Variants in INSR observed in about 807,000 individuals in gnomAD.
The protein encoded by INSR is insulin receptor, also known as IR.
INSR carries 67 observed loss-of-function variants against 142.6 expected under a neutral mutation model. The ratio of observed to expected loss-of-function variants is 0.47; its 90% CI spans 0.39 to 0.58. The LOEUF (loss-of-function observed/expected upper bound fraction) is 0.58. Among genes scored for constraint, INSR ranks in the 20% least tolerant of loss-of-function variants. The pLI is 0.00. For missense variants in INSR, 1,248 were observed against 1,833.2 expected, an observed-to-expected ratio of 0.68 and a Z score of 5.83; for synonymous variants, 756 against 743.1, an observed-to-expected ratio of 1.02 and a Z score of -0.28.
chr19:7,115,137 C>G lies in INSR; in HGVS notation c.*1919G>C, dbSNP rs534289709. 50 of 152,314 alleles carry G rather than the reference C, an allele frequency of 3.3e-4. No individual in the cohort carries two copies. Among genetic ancestry groups the G allele is most frequent in the Non-Finnish European group, 5.6e-4 (38 of 68,026 alleles). The allele number at this position is 152,314 out of a possible 1,614,324, so 9.4% of individuals were successfully genotyped here. A position where few individuals can be genotyped will look rare whatever the true frequency, so the allele number is the denominator to read the frequency against. On this transcript the variant is annotated 3_prime_UTR_variant, in exon 22 of 22. Coordinates refer to ENST00000302850, the MANE Select transcript of INSR (RefSeq NM_000208.4). ...GAGGGCTTGGAGGTTGCCATTATGA[C>G]TCTATCCCATTCTTAAGCCCACAAC...
chr19:7,162,537 G>A lies in INSR; in HGVS notation c.2029+495C>T, dbSNP rs377695723. Among the ~76,000 whole-genome samples the A allele has an allele frequency of 5.4e-5, 8 of 146,820 alleles. No individual in the cohort carries two copies. The East Asian group carries it at 8.3e-4, about 15-fold the overall frequency. ...AAAAAAAAAAAAAAATAGGCCGGGTGTGGTGGCTCATGCCTGTAATCCCAG... is the reference window on the plus strand; with the variant it reads ...AAAAAAAAAAAAAAATAGGCCGGGTATGGTGGCTCATGCCTGTAATCCCAG... On this transcript the variant is annotated intron_variant, in intron 9 of 21. Transcript: ENST00000302850.
chr19:7,196,226 C>T (rs1204255302), intron 2 of INSR, among the ~76,000 whole-genome samples: 7 of 152,176 alleles, frequency 4.6e-5, no homozygotes, highest in African/African-American at 1.7e-4. Flanking sequence ...TGAGCCACCA[C>T]GCCTGGCCTC....
intron 1 of INSR, among the ~76,000 whole-genome samples, chr19:7,282,989 A>C (rs1968250166): frequency 6.6e-6 from 1 of 150,428 alleles, no homozygotes; most frequent in Admixed American, 6.6e-5. Context: ...AGTAATAATA[A>C]TAATAATAAT....
At chr19:7,268,069 A>T (rs566813210) in intron 1 of INSR, among the ~76,000 whole-genome samples, 173 bp from the exon 2 acceptor site, 74 of 152,240 alleles carry the variant, frequency 4.9e-4, no homozygotes, top group African/African-American at 1.4e-3. Flanking sequence ...TCTGTAAAGT[A>T]CCCATGCCTA....
At chr19:7,288,146 C>T (rs560690455) in intron 1 of INSR, among the ~76,000 whole-genome samples, 1 of 151,374 alleles carries the variant, frequency 6.6e-6, no homozygotes, top group South Asian at 2.1e-4. Flanking sequence ...ACTGCTTGAA[C>T]TAGGAGTTCA....
chr19:7,216,000 T>C lies in INSR; in HGVS notation c.653-31363A>G, dbSNP rs16994352. On this transcript the variant is annotated intron_variant, in intron 2 of 21. Coordinates refer to ENST00000302850, the MANE Select transcript of INSR (RefSeq NM_000208.4). ...GAATTGAAACAGGTTCCTAATCTCA[T>C]GGTCTCACCTGAGGGAAAAGTGGCT... is the stretch of plus-strand genomic sequence containing the variant. Among the ~76,000 whole-genome samples the C allele has an allele frequency of 0.024, 3,590 of 152,070 alleles. 306 individuals carry two copies. The East Asian group carries it at 0.26, about 11-fold the overall frequency.
chr19:7,170,721 C>T lies in INSR; in HGVS notation c.1299G>A (p.Gln433=). The stretch of plus-strand genomic sequence containing the variant: ...TCCAGTCCCAGAGCTGCCTTAGGTT[C>T]TGGTTGTCCAAGGCATAGAAGGAGT... ...GNYSFYALDN[Q]NLRQLWDWSK... is the part of the protein sequence containing the mutation. The change falls in exon 6 of 22, where the codon CAG becomes CAA. Residue 433 remains glutamine (Q), a synonymous_variant. Coordinates refer to ENST00000302850, the MANE Select transcript of INSR (RefSeq NM_000208.4). 6.2e-7 allele frequency: 1 copy of T among 1,614,006 alleles called. No homozygotes were observed.
intron 1 of INSR, among the ~76,000 whole-genome samples, chr19:7,291,750 A>T (rs2145259507): frequency 6.6e-6 from 1 of 152,258 alleles, no homozygotes; most frequent in East Asian, 1.9e-4. Context: ...AACCACACAC[A>T]CGCACACATA....
intron 2 of INSR, among the ~76,000 whole-genome samples, chr19:7,228,184 A>G (rs57177807): frequency 0.16 from 24,497 of 152,156 alleles, 2,058 homozygotes; most frequent in South Asian, 0.28. Context: ...AGTCCAGCAG[A>G]CTTTCCATGA....
At chr19:7,169,910 T>C (rs1973975441) in intron 6 of INSR, among the ~76,000 whole-genome samples, 1 of 151,982 alleles carries the variant, frequency 6.6e-6, no homozygotes, top group Non-Finnish European at 1.5e-5. Flanking sequence ...TATCACACAG[T>C]GAGTTGTTAG....
In INSR at chr19:7,150,609, G is replaced by T; in HGVS notation, c.2232-77C>A. 1 of 1,408,374 alleles carries T rather than the reference G, an allele frequency of 7.1e-7. No homozygotes were observed. 87.2% of individuals were successfully genotyped at this position (1,408,374 alleles called of 1,614,324 possible). A position where few individuals can be genotyped will look rare whatever the true frequency, so the allele number is the denominator to read the frequency against. ...GACCACTGGGCTCTGACACTTGGAG[G>T]CCACATGTGTCCGAGTAAGGGCACC... On this transcript the variant is annotated intron_variant, in intron 10 of 21. Coordinates refer to ENST00000302850, the MANE Select transcript of INSR (RefSeq NM_000208.4). This position sits in a 1 kb window ranked among gnomAD's most constrained non-coding sequence, Gnocchi z 4.2.
intron 2 of INSR, among the ~76,000 whole-genome samples, chr19:7,195,783 G>A (rs1974727797): frequency 1.3e-5 from 2 of 151,416 alleles, no homozygotes; most frequent in East Asian, 3.8e-4. Flanking sequence ...CCTTCGCCTA[G>A]GAAAAAAAAT....
At chr19:7,228,611 GTCA>G (rs1975857869) in intron 2 of INSR, among the ~76,000 whole-genome samples, 1 of 152,308 alleles carries the variant, frequency 6.6e-6, no homozygotes, top group South Asian at 2.1e-4. Flanking sequence ...AAGGCAAGAA[GTCA>G]TCATTATCTG....
chr19:7,259,034 CTCCT>C (rs1976978062), intron 2 of INSR, among the ~76,000 whole-genome samples: 2 of 133,142 alleles, frequency 1.5e-5, no homozygotes, highest in African/African-American at 5.6e-5. Flanking sequence ...CTTTCCTTCC[CTCCT>C]TCCTTCCTTT....
chr19:7,184,268 C>T (rs545259814), intron 3 of INSR, 48 bp downstream of exon 3: 23 of 1,551,210 alleles, frequency 1.5e-5, no homozygotes, highest in South Asian at 9.0e-5. Context: ...ACCAACCCCA[C>T]GTTCCTTCTC....
rs761175486 is a variant in INSR at position 7,150,478 on chromosome 19, T to A, written c.2267+19A>T. Reference sequence around the variant, plus strand: ...CCCTGCGCGGAGCAGGCACCAGGGGTCGCACAGGTGAGTCATACCTAGGGT... The same window carrying A: ...CCCTGCGCGGAGCAGGCACCAGGGGACGCACAGGTGAGTCATACCTAGGGT... On this transcript the variant is annotated intron_variant, in intron 11 of 21. Transcript: ENST00000302850. This position sits in a 1 kb window ranked among gnomAD's most constrained non-coding sequence, Gnocchi z 4.2. The A allele has an allele frequency of 4.3e-6, 7 of 1,613,046 alleles. No individual in the cohort carries two copies. Among genetic ancestry groups the A allele is most frequent in the Non-Finnish European group, 5.1e-6 (6 of 1,179,164 alleles).
Position 7,184,622 on chromosome 19 carries a change from C to T in INSR, c.668G>A (p.Cys223Tyr). 6.2e-7 allele frequency: 1 copy of T among 1,608,264 alleles called. No individual in the cohort carries two copies. The highest frequency in any genetic ancestry group is 8.5e-7 in the Non-Finnish European group (1 of 1,179,152). The change falls in exon 3 of 22, where the codon TGT becomes TAT. Residue 223 changes from cysteine (C) to tyrosine (Y), a missense_variant. Coordinates refer to ENST00000302850, the MANE Select transcript of INSR (RefSeq NM_000208.4). Reference sequence around the variant, plus strand: ...TTCGGCGGTGCAGCCGTGTGACTTACAGATGGTCGGGCAAACTGGAGAGAG... The same window carrying T: ...TTCGGCGGTGCAGCCGTGTGACTTATAGATGGTCGGGCAAACTGGAGAGAG... ...SHCQKVCPTI[C>Y]KSHGCTAEGL... is the part of the protein sequence containing the mutation.
At position 7,128,892 on chromosome 19, in the gene INSR, T is replaced by C; in HGVS notation, c.2905A>G (p.Ser969Gly). 6.2e-7 allele frequency: 1 copy of C among 1,613,982 alleles called. No homozygotes were observed. Among genetic ancestry groups the C allele is most frequent in the Non-Finnish European group, 8.5e-7 (1 of 1,179,896 alleles). Residue 969 changes from serine to glycine, a missense_variant, in exon 15 of 22, where the codon AGT (serine) becomes GGT (glycine). Physicochemically the swap from Ser to Gly is moderately conservative, Grantham distance 56 (BLOSUM62 0). This residue lies in a region of INSR where 1,069 missense variants were observed against 1,654.0 expected (regional missense o/e 0.65). Transcript: ENST00000302850. ...IGPLIFVFLF[S>G]VVIGSIYLFL... ...AGATAAATACTTCCAATCACAACAC[T>C]GAAGAGAAAGACAAAGATGAGGGGG...
rs372116093 is a variant in INSR at position 7,129,584 on chromosome 19, G to A, written c.2843-630C>T. Among the ~76,000 whole-genome samples, 14 of 152,198 alleles carry A rather than the reference G, an allele frequency of 9.2e-5. No homozygotes were observed. The East Asian group carries it at 2.1e-3, about 23-fold the overall frequency. ...AGGTGATCCTCCCGCCTCAGCCTCC[G>A]AAAGTACTGGGATGACAGGCGTGAG... On this transcript the variant is annotated intron_variant, in intron 14 of 21. Coordinates refer to ENST00000302850, the MANE Select transcript of INSR (RefSeq NM_000208.4).
Sources: allele counts gnomAD v4.1 joint callset (sites outside exome capture counted in the v4.1 genomes callset), GRCh38; gene constraint gnomAD v4.1.1; regional missense constraint gnomAD v4.1.1; non-coding constraint Gnocchi (gnomAD v3.1); transcripts MANE v1.5; gene names NCBI Gene and HGNC (gene_info 2026-07-23, HGNC 2026-07-21).